Variants in CCNH observed in about 807,000 individuals in gnomAD.
The protein encoded by CCNH is cyclin-H.
Under a neutral mutation model 41.9 loss-of-function variants are expected in CCNH, and 31 were observed. The observed-to-expected ratio is 0.74, with a 90% CI of 0.56 to 1.00. The LOEUF is 1.00. Among genes scored for constraint, CCNH ranks in the 50% least tolerant of loss-of-function variants. The pLI is 0.00. For synonymous variants in CCNH, 138 were observed against 136.1 expected (o/e 1.01, Z -0.10); for missense variants, 362 against 388.4 (o/e 0.93, Z 0.57).
chr5:87,347,526 A>T (rs781097018), intron 9 of CCNH, among the ~76,000 whole-genome samples: 1 of 152,010 alleles, frequency 6.6e-6, no homozygotes, highest in Non-Finnish European at 1.5e-5. Context: ...AATGTTGACT[A>T]TTCAATAGTT....
chr5:87,406,519 C>A (rs931806804), intron 4 of CCNH, among the ~76,000 whole-genome samples: 1 of 152,114 alleles, frequency 6.6e-6, no homozygotes, highest in African/African-American at 2.4e-5. Context: ...ATCCGAAATG[C>A]TCCAAAATCT....
rs761904245 is a variant in CCNH, at chr5:87,349,275, T to C, written c.*91-30378A>G. On this transcript the variant is annotated intron_variant and NMD_transcript_variant, in intron 9 of 9. Coordinates refer to the CCNH transcript ENST00000645953. ...ATAATACTCCTGGCGATTATTCACT[T>C]TATTTCCGGACCAATGAAAATATTC... is the stretch of plus-strand genomic sequence containing the variant. The C allele has an allele frequency of 3.1e-6, 5 of 1,612,152 alleles. No individual in the cohort carries two copies. In the African/African-American group the frequency reaches 6.7e-5, roughly 22 times the overall value.
At chr5:87,342,398 A>C (rs1055757619) in intron 9 of CCNH, among the ~76,000 whole-genome samples, 2 of 152,046 alleles carry the variant, frequency 1.3e-5, no homozygotes, top group African/African-American at 4.8e-5. Flanking sequence ...ACCTCAAGTA[A>C]TCTACCAGCC....
At chr5:87,337,946 T>C (rs561792694) in intron 9 of CCNH, 387 of 1,575,346 alleles carry the variant, frequency 2.5e-4, no homozygotes, top group Non-Finnish European at 3.1e-4. Context: ...ATTTTTAAAT[T>C]TAATAACTTT....
chr5:87,367,569 C>G (rs1760617039), intron 9 of CCNH, among the ~76,000 whole-genome samples: 1 of 152,184 alleles, frequency 6.6e-6, no homozygotes, highest in Non-Finnish European at 1.5e-5. Flanking sequence ...ATTAAGAGAT[C>G]TCTAAGCACT....
downstream of CCNH, chr5:87,389,351 A>G (rs765120457): frequency 1.2e-6 from 2 of 1,611,282 alleles, no homozygotes; most frequent in East Asian, 2.2e-5. Flanking sequence ...AAAAAAAAAG[A>G]AGATTTGTAT....
At chr5:87,358,757 A>G (rs749006824) in intron 9 of CCNH, among the ~76,000 whole-genome samples, 11 of 152,120 alleles carry the variant, frequency 7.2e-5, no homozygotes, top group Non-Finnish European at 1.3e-4. Context: ...GTCTCTTCCT[A>G]CTATCCTCCT....
chr5:87,401,817 A>G, intron 5 of CCNH, 45 bp from the exon 6 acceptor site: 1 of 1,167,320 alleles, frequency 8.6e-7, no homozygotes, highest in South Asian at 1.5e-5. Context: ...CATACAGCAC[A>G]TTGAGAAAAC....
At chr5:87,396,833 A>G (rs374997066) in intron 7 of CCNH, among the ~76,000 whole-genome samples, 11 of 152,202 alleles carry the variant, frequency 7.2e-5, no homozygotes, top group African/African-American at 2.7e-4. Flanking sequence ...TGAAAAATGC[A>G]AAGAAGAAAA....
chr5:87,399,418 G>A lies in CCNH; in HGVS notation c.848C>T (p.Ala283Val). ...LKQKLERCHSAELALNVITKK... is the reference protein window; with the variant it reads ...LKQKLERCHSVELALNVITKK... The stretch of plus-strand genomic sequence containing the variant: ...CGTGATTACGTTAAGTGCAAGCTCA[G>A]CAGAATGACATCGCTCCAACTTCTG... Residue 283 changes from alanine to valine, a missense_variant, in exon 7 of 9, where the codon GCT (alanine) becomes GTT (valine). Transcript: ENST00000256897. The A allele has an allele frequency of 6.2e-7, 1 of 1,613,316 alleles. No homozygotes were observed. Among genetic ancestry groups the A allele is most frequent in the South Asian group, 1.1e-5 (1 of 91,074 alleles).
chr5:87,381,135 C>G (rs1444016873), upstream of CCNH, among the ~76,000 whole-genome samples: 3 of 152,158 alleles, frequency 2.0e-5, no homozygotes, highest in Non-Finnish European at 1.5e-5. Flanking sequence ...ATAGGAAGAA[C>G]TGCTTTGGCA....
chr5:87,347,420 T>G (rs891670926), intron 9 of CCNH, among the ~76,000 whole-genome samples: 8 of 152,026 alleles, frequency 5.3e-5, no homozygotes, highest in Non-Finnish European at 1.2e-4. Context: ...CTGAATTAAT[T>G]TAAATACCGA....
chr5:87,357,023 C>A (rs1301762183), intron 9 of CCNH, among the ~76,000 whole-genome samples: 3 of 152,160 alleles, frequency 2.0e-5, no homozygotes, highest in Admixed American at 2.0e-4. Flanking sequence ...TGCTTTCCAG[C>A]AAGAAATACC....
intron 9 of CCNH, among the ~76,000 whole-genome samples, chr5:87,370,675 GCTTT>G (rs1760869168): frequency 2.0e-5 from 3 of 151,968 alleles, no homozygotes; most frequent in African/African-American, 7.2e-5. Flanking sequence ...AAATTTTTTT[GCTTT>G]CTTTGAACCC....
the CCNH span, among the ~76,000 whole-genome samples, chr5:87,312,267 C>T: frequency 6.6e-6 from 1 of 152,084 alleles, no homozygotes; most frequent in South Asian, 2.1e-4. Context: ...CAATATAGAG[C>T]AACATATTGA....
upstream of CCNH, among the ~76,000 whole-genome samples, chr5:87,380,829 TTTAAACCC>T (rs1416788954): frequency 1.3e-5 from 2 of 152,192 alleles, no homozygotes; most frequent in African/African-American, 4.8e-5. Context: ...ATTGGGGATT[TTTAAACCC>T]TTACAAGATG....
chr5:87,394,137 T>G, downstream of CCNH: 1 of 566,002 alleles, frequency 1.8e-6, no homozygotes, highest in Non-Finnish European at 2.3e-6. Context: ...AAGTTTTGTT[T>G]TTTGTGGTGC....
At chr5:87,368,558 G>A (rs1169986688) in intron 9 of CCNH, among the ~76,000 whole-genome samples, 5 of 152,108 alleles carry the variant, frequency 3.3e-5, no homozygotes, top group Non-Finnish European at 1.5e-5. Flanking sequence ...TTGTTCTTAC[G>A]GATGGTATAG....
At chr5:87,327,998 A>G (rs893612238) in intron 9 of CCNH, among the ~76,000 whole-genome samples, 1 of 151,604 alleles carries the variant, frequency 6.6e-6, no homozygotes, top group Non-Finnish European at 1.5e-5. Context: ...AGAACTTCCT[A>G]TGTGGACGTT....
Sources: allele counts gnomAD v4.1 joint callset (sites outside exome capture counted in the v4.1 genomes callset), GRCh38; gene constraint gnomAD v4.1.1; transcripts MANE v1.5; gene names NCBI Gene and HGNC (gene_info 2026-07-23, HGNC 2026-07-21).